Variants in GATC observed in about 807,000 individuals in gnomAD.
GATC encodes glutamyl-tRNA(Gln) amidotransferase subunit C, mitochondrial.
GATC carries 11 observed loss-of-function variants against 14.4 expected under a neutral mutation model. That is an observed-to-expected ratio of 0.77 (90% confidence interval 0.48 to 1.27). GATC has a LOEUF of 1.27. GATC is among the 50% of genes most tolerant of loss of function. The probability of loss-of-function intolerance (pLI) is 0.00; values close to 1 mark genes in which losing one functional copy is unlikely to be tolerated. For synonymous variants in GATC, 76 were observed against 79.3 expected (o/e 0.96, Z 0.22); for missense variants, 204 against 183.0 (o/e 1.11, Z -0.66).
chr12:120,457,218 A>G (rs1878210225), intron 3 of GATC, 39 bp downstream of exon 3: 1 of 1,409,912 alleles, frequency 7.1e-7, no homozygotes, highest in South Asian at 1.2e-5. Context: ...ATAGTCTCAC[A>G]GTAACCTTAG....
chr12:120,459,915 T>C lies in GATC; in HGVS notation c.367T>C (p.Ser123Pro). 6.2e-7 allele frequency: 1 copy of C among 1,612,154 alleles called. No homozygotes were observed. Among genetic ancestry groups the C allele is most frequent in the Non-Finnish European group, 8.5e-7 (1 of 1,178,430 alleles). ...TTGTTATTTTCAAACAGGTAATATCTCTTTGCCAAAGCTGGATGAACAAGA... is the reference window on the plus strand; with the variant it reads ...TTGTTATTTTCAAACAGGTAATATCCCTTTGCCAAAGCTGGATGAACAAGA... Reference protein sequence around the residue: ...EYFVAPPGNISLPKLDEQEPF... With the variant: ...EYFVAPPGNIPLPKLDEQEPF... Residue 123 changes from serine (S) to proline (P), a missense_variant, in exon 4 of 4, where the codon TCT (serine) becomes CCT (proline). Coordinates refer to ENST00000551765, the MANE Select transcript of GATC (RefSeq NM_176818.3).
intron 2 of GATC, 90 bp from the exon 3 acceptor site, chr12:120,456,986 C>T (rs1878202086): frequency 2.5e-6 from 2 of 806,906 alleles, no homozygotes; most frequent in Admixed American, 3.9e-5. Flanking sequence ...GAATATACTG[C>T]TTCCTTGTTC....
At chr12:120,447,938 A>G (rs1877922335) in intron 2 of GATC, among the ~76,000 whole-genome samples, 2 of 151,816 alleles carry the variant, frequency 1.3e-5, no homozygotes, top group Non-Finnish European at 2.9e-5. Context: ...TATTTTTGAT[A>G]GAGACGGGAT....
chr12:120,454,416 G>A (rs916416118), intron 2 of GATC, among the ~76,000 whole-genome samples: 1 of 152,082 alleles, frequency 6.6e-6, no homozygotes, highest in African/African-American at 2.4e-5. Context: ...TGTGACTTGA[G>A]AGCCTAAGCT....
Position 120,457,181 on chromosome 12 carries a change from T to A in GATC, c.358+2T>A. 1 of 1,601,336 alleles carries A rather than the reference T, an allele frequency of 6.2e-7. No homozygotes were observed. Among genetic ancestry groups the A allele is most frequent in the Non-Finnish European group, 8.5e-7 (1 of 1,169,792 alleles). On this transcript the variant is annotated splice_donor_variant, in intron 3 of 3. Transcript: ENST00000551765. LOFTEE classifies it high-confidence loss of function. ...AGGAGTACTTTGTGGCCCCCCCAGGTACGTGCTGCCCAGAATGGTTTAACA... is the reference window on the plus strand; with the variant it reads ...AGGAGTACTTTGTGGCCCCCCCAGGAACGTGCTGCCCAGAATGGTTTAACA...
In GATC at chr12:120,462,677, G is replaced by C. The variant is rs577312119; in HGVS notation, c.*2718G>C. On this transcript the variant is annotated 3_prime_UTR_variant, in exon 4 of 4. Transcript: ENST00000551765. ...GCAAGTCTTGTGATGGTGCTATTAT[G>C]TGACCATTTTGCCCATGAAGGAATC... 1 of 152,500 alleles carries C rather than the reference G, an allele frequency of 6.6e-6. No individual in the cohort carries two copies. Among genetic ancestry groups the C allele is most frequent in the Admixed American group, 6.5e-5 (1 of 15,318 alleles). The allele number at this position is 152,500 out of a possible 1,614,324, so 9.4% of individuals were successfully genotyped here.
intron 3 of GATC, among the ~76,000 whole-genome samples, chr12:120,458,408 A>T (rs1878243119): frequency 6.6e-6 from 1 of 152,150 alleles, no homozygotes; most frequent in African/African-American, 2.4e-5. Flanking sequence ...AAGTGCTAGC[A>T]ACCAATTCAA....
intron 3 of GATC, among the ~76,000 whole-genome samples, chr12:120,459,082 T>G (rs898315070): frequency 2.0e-5 from 3 of 152,034 alleles, no homozygotes; most frequent in Non-Finnish European, 4.4e-5. Context: ...GGATGGTCTC[T>G]CTCTCCTGAC....
intron 2 of GATC, among the ~76,000 whole-genome samples, chr12:120,449,379 A>C (rs1473459579): frequency 6.6e-6 from 1 of 151,630 alleles, no homozygotes; most frequent in African/African-American, 2.4e-5. Context: ...CCCACCTTCC[A>C]CAGCATGTCT....
chr12:120,446,538 TTC>T lies in GATC; in HGVS notation c.59_60del (p.Phe20TyrfsTer81). 1 of 1,600,176 alleles carries T rather than the reference TTC, an allele frequency of 6.2e-7. No individual in the cohort carries two copies. Among genetic ancestry groups the T allele is most frequent in the Non-Finnish European group, 8.5e-7 (1 of 1,173,154 alleles). Reference sequence around the variant, plus strand: ...GGCCCCTCTGGGCGGGCGCCAGGGCTTCACCTCCAAGGCGGATCCTCAGGTAA... The same window carrying T: ...GGCCCCTCTGGGCGGGCGCCAGGGCTACCTCCAAGGCGGATCCTCAGGTAA... ...LRAPLGGRQGFTSKADPQGSG... is the reference protein window; with the variant it reads ...LRAPLGGRQGXTSKADPQGSG... On this transcript the variant is annotated frameshift_variant, in exon 1 of 4. Coordinates refer to ENST00000551765, the MANE Select transcript of GATC (RefSeq NM_176818.3). LOFTEE classifies it high-confidence loss of function.
rs921554391 is a variant in GATC, at chr12:120,460,249, C to G, written c.*290C>G. 7.6e-6 allele frequency: 2 copies of G among 264,712 alleles called. No individual in the cohort carries two copies. The highest frequency in any genetic ancestry group is 4.5e-5 in the African/African-American group (2 of 44,182). The allele number at this position is 264,712 out of a possible 1,614,324, so 16.4% of individuals were successfully genotyped here. On this transcript the variant is annotated 3_prime_UTR_variant, in exon 4 of 4. Coordinates refer to ENST00000551765, the MANE Select transcript of GATC (RefSeq NM_176818.3). ...GAAGACATTATTTATCTGCCTTTAA[C>G]TCCCCCCAAAGGACCATACCAACTG...
At chr12:120,449,707 A>G (rs546714783) in intron 2 of GATC, among the ~76,000 whole-genome samples, 1 of 152,110 alleles carries the variant, frequency 6.6e-6, no homozygotes, top group African/African-American at 2.4e-5. Flanking sequence ...TCAGCCTCCC[A>G]AAGTGCTGGG....
chr12:120,452,112 G>C (rs1878067519), intron 2 of GATC, among the ~76,000 whole-genome samples: 1 of 151,908 alleles, frequency 6.6e-6, no homozygotes, highest in African/African-American at 2.4e-5. Flanking sequence ...CCTGACCTCA[G>C]GTCATCCGCC....
In GATC at chr12:120,460,641, C is replaced by G; in HGVS notation, c.*682C>G. On this transcript the variant is annotated 3_prime_UTR_variant, in exon 4 of 4. Transcript: ENST00000551765. ...TGGGACAAAGGAGCCCTCTCCGCCC[C>G]CAAAATGATTATTAAATTGAGATGA... 1 of 152,064 alleles carries G rather than the reference C, an allele frequency of 6.6e-6. No individual in the cohort carries two copies. The highest frequency in any genetic ancestry group is 2.4e-5 in the African/African-American group (1 of 41,390). 9.4% of individuals were successfully genotyped at this position (152,064 alleles called of 1,614,324 possible).
intron 2 of GATC, among the ~76,000 whole-genome samples, chr12:120,449,911 C>T (rs542213714): frequency 5.6e-4 from 85 of 152,056 alleles, no homozygotes; most frequent in African/African-American, 1.8e-3. Context: ...TACAGGTGCA[C>T]GCCACCACGC....
chr12:120,456,930 T>C, intron 2 of GATC, 146 bp from the exon 3 acceptor site: 1 of 634,778 alleles, frequency 1.6e-6, no homozygotes, highest in African/African-American at 1.8e-5. Flanking sequence ...TTTGGTCTAC[T>C]GTTGATCCCA....
In GATC at chr12:120,461,718, G is replaced by C. The variant is rs114832191; in HGVS notation, c.*1759G>C. On this transcript the variant is annotated 3_prime_UTR_variant, in exon 4 of 4. Transcript: ENST00000551765. ...TTTCTAAACAGAATGGGCCGACTCAGTCACAGTAACTGTTGATCTCCATAG... is the reference window on the plus strand; with the variant it reads ...TTTCTAAACAGAATGGGCCGACTCACTCACAGTAACTGTTGATCTCCATAG... 1,010 of 220,964 alleles carry C rather than the reference G, an allele frequency of 4.6e-3. 13 individuals carry two copies. The highest frequency in any genetic ancestry group is 0.021 in the African/African-American group (940 of 43,956). The allele number at this position is 220,964 out of a possible 1,614,324, so 13.7% of individuals were successfully genotyped here. A position where few individuals can be genotyped will look rare whatever the true frequency, so the allele number is the denominator to read the frequency against.
rs191656710 is a variant in GATC at position 120,446,959 on chromosome 12, C to A, written c.254+130C>A. The stretch of plus-strand genomic sequence containing the variant: ...AGATTCAGGAACTTGCCCACAGTCA[C>A]CTCGCGAGTCAGTGGCTTCACTCTT... On this transcript the variant is annotated intron_variant, in intron 2 of 3. Coordinates refer to ENST00000551765, the MANE Select transcript of GATC (RefSeq NM_176818.3). The A allele has an allele frequency of 1.1e-5, 9 of 813,954 alleles. No homozygotes were observed. In the East Asian group the frequency reaches 2.5e-4, roughly 23 times the overall value. The allele number at this position is 813,954 out of a possible 1,614,324, so 50.4% of individuals were successfully genotyped here. A position where few individuals can be genotyped will look rare whatever the true frequency, so the allele number is the denominator to read the frequency against.
intron 2 of GATC, among the ~76,000 whole-genome samples, chr12:120,455,327 C>T (rs570334511): frequency 1.3e-5 from 2 of 152,142 alleles, no homozygotes; most frequent in South Asian, 4.1e-4. Flanking sequence ...TGCCACCACG[C>T]TTGGCTAGTT....
Sources: gnomAD v4.1 joint callset for allele counts (sites outside exome capture counted in the v4.1 genomes callset) on GRCh38, gnomAD v4.1.1 for gene constraint, MANE v1.5 for transcripts, NCBI Gene and HGNC (gene_info 2026-07-23, HGNC 2026-07-21) for gene names.